Variants in SCYL2 observed in about 807,000 individuals in gnomAD.
SCYL2 encodes SCY1 like pseudokinase 2.
In SCYL2, 36 loss-of-function variants were observed where a neutral mutation model predicts 100.4. The ratio of observed to expected loss-of-function variants is 0.36; its 90% CI spans 0.27 to 0.47. The LOEUF is 0.47. SCYL2 is among the 20% of genes least tolerant of loss of function. The pLI is 1.00. For synonymous variants in SCYL2, 330 were observed against 359.2 expected, an observed-to-expected ratio of 0.92 and a Z score of 0.92; for missense variants, 902 against 1,083.9, an observed-to-expected ratio of 0.83 and a Z score of 2.36.
At chr12:100,315,319 T>G (rs1045749022) in intron 8 of SCYL2, among the ~76,000 whole-genome samples, 1 of 152,164 alleles carries the variant, frequency 6.6e-6, no homozygotes, top group Non-Finnish European at 1.5e-5. Context: ...AGGGTAAGTT[T>G]CCTACAGGTA....
intron 4 of SCYL2, among the ~76,000 whole-genome samples, chr12:100,310,536 C>T (rs1229026168): frequency 6.6e-6 from 1 of 152,186 alleles, no homozygotes; most frequent in East Asian, 1.9e-4. Flanking sequence ...TTGACACATT[C>T]CGTGGTGATG....
Position 100,283,010 on chromosome 12 carries a change from A to G in SCYL2, c.40A>G (p.Lys14Glu), listed in dbSNP as rs747874041. 5.6e-6 allele frequency: 9 copies of G among 1,610,488 alleles called. No individual in the cohort carries two copies. Among genetic ancestry groups the G allele is most frequent in the East Asian group, 2.2e-5 (1 of 44,806 alleles). ...TAATAAATTGAAGAGTACTGTTACA[A>G]AAGTAACAGCTGATGTCACTAGTGC... ...MLNKLKSTVT[K>E]VTADVTSAVM... Residue 14 changes from lysine (K) to glutamate (E), a missense_variant, in exon 2 of 18, where the codon AAA becomes GAA. Coordinates refer to ENST00000360820, the MANE Select transcript of SCYL2 (RefSeq NM_017988.6).
chr12:100,296,771 A>G (rs1339932606), intron 3 of SCYL2: 3 of 152,130 alleles, frequency 2.0e-5, no homozygotes, highest in Non-Finnish European at 4.4e-5. Flanking sequence ...GTACAGTTCA[A>G]CAAAAGCATG....
intron 3 of SCYL2, among the ~76,000 whole-genome samples, chr12:100,294,112 G>C (rs978720822): frequency 5.1e-5 from 7 of 137,830 alleles, no homozygotes; most frequent in African/African-American, 1.8e-4. Flanking sequence ...CGGCCGGGCA[G>C]AGGCGCCCCT....
intron 4 of SCYL2, among the ~76,000 whole-genome samples, chr12:100,303,524 A>G (rs1168890958): frequency 6.6e-6 from 1 of 152,130 alleles, no homozygotes; most frequent in African/African-American, 2.4e-5. Context: ...CCTCTGCTGC[A>G]TGTCTGTTGG....
intron 1 of SCYL2, among the ~76,000 whole-genome samples, chr12:100,280,730 C>T (rs529507348): frequency 6.6e-6 from 1 of 152,158 alleles, no homozygotes; most frequent in East Asian, 1.9e-4. Flanking sequence ...CTCTTTGGAG[C>T]ATTTCAGATT....
intron 13 of SCYL2, 81 bp downstream of exon 13, chr12:100,329,400 T>C (rs977821714): frequency 3.9e-5 from 26 of 666,100 alleles, no homozygotes; most frequent in Middle Eastern, 3.9e-4. Context: ...ATTACAAAGA[T>C]TGGTTAAAAA....
At chr12:100,327,974 G>A (rs1284301829) in intron 12 of SCYL2, among the ~76,000 whole-genome samples, 2 of 152,120 alleles carry the variant, frequency 1.3e-5, no homozygotes, top group Non-Finnish European at 2.9e-5. Flanking sequence ...AATCTTTTGT[G>A]CAGAAAGAAG....
intron 3 of SCYL2, among the ~76,000 whole-genome samples, chr12:100,295,254 T>A (rs2096318016): frequency 8.4e-6 from 1 of 119,474 alleles, no homozygotes; most frequent in African/African-American, 3.2e-5. Flanking sequence ...TCCCAGACGA[T>A]GGGCGGCCAG....
intron 17 of SCYL2, 63 bp from the exon 18 acceptor site, chr12:100,338,465 G>C: frequency 7.6e-7 from 1 of 1,315,630 alleles, no homozygotes; most frequent in Non-Finnish European, 1.0e-6. Flanking sequence ...TCTGTCAAAT[G>C]TTTACTAATT....
At chr12:100,325,969 T>C (rs1291788985) in intron 11 of SCYL2, among the ~76,000 whole-genome samples, 1 of 152,162 alleles carries the variant, frequency 6.6e-6, no homozygotes, top group African/African-American at 2.4e-5. Context: ...CTGCCTTTGT[T>C]GGTTTACTGT....
chr12:100,283,824 T>C lies in SCYL2; in HGVS notation c.177+677T>C, dbSNP rs147177781. Among the ~76,000 whole-genome samples the C allele has an allele frequency of 3.9e-5, 6 of 152,338 alleles. No homozygotes were observed. The East Asian group carries it at 1.2e-3, about 29-fold the overall frequency. On this transcript the variant is annotated intron_variant, in intron 2 of 17. Coordinates refer to ENST00000360820, the MANE Select transcript of SCYL2 (RefSeq NM_017988.6). ...TCCTTTTATGAAATAGGAATCTTGG[T>C]CCTATGATAAATTGCTGGTATGTCA...
chr12:100,295,040 C>T (rs1289116233), intron 3 of SCYL2, among the ~76,000 whole-genome samples: 31 of 145,152 alleles, frequency 2.1e-4, no homozygotes, highest in South Asian at 4.5e-4. Flanking sequence ...CGGGCAGAGG[C>T]GCTCCTCACA....
At chr12:100,326,314 G>T (rs1406780911) in intron 11 of SCYL2, among the ~76,000 whole-genome samples, 1 of 152,090 alleles carries the variant, frequency 6.6e-6, no homozygotes, top group Non-Finnish European at 1.5e-5. Flanking sequence ...GTGTTCTTAT[G>T]ATAGTAACAC....
intron 3 of SCYL2, among the ~76,000 whole-genome samples, chr12:100,292,148 T>C (rs1198845591): frequency 6.6e-6 from 1 of 152,234 alleles, no homozygotes; most frequent in Non-Finnish European, 1.5e-5. Context: ...GCTTGGGAAG[T>C]GTTAGTGAGA....
At chr12:100,304,191 G>A (rs1456685693) in intron 4 of SCYL2, among the ~76,000 whole-genome samples, 2 of 152,112 alleles carry the variant, frequency 1.3e-5, no homozygotes, top group African/African-American at 4.8e-5. Context: ...AGCTGGCTGG[G>A]CTCCTTGGGG....
intron 13 of SCYL2, 130 bp from the exon 14 acceptor site, chr12:100,334,036 C>A: frequency 1.7e-6 from 1 of 579,450 alleles, no homozygotes; most frequent in Non-Finnish European, 3.0e-6. Context: ...TGAATATCAG[C>A]GCTGTGACTG....
At chr12:100,331,593 G>A (rs1459086654) in intron 13 of SCYL2, among the ~76,000 whole-genome samples, 2 of 152,160 alleles carry the variant, frequency 1.3e-5, no homozygotes, top group Admixed American at 1.3e-4. Context: ...GGATGACAAA[G>A]CAAGACCCTG....
chr12:100,286,342 A>G (rs1216894222), intron 2 of SCYL2, among the ~76,000 whole-genome samples: 1 of 152,214 alleles, frequency 6.6e-6, no homozygotes, highest in Non-Finnish European at 1.5e-5. Flanking sequence ...TTAGTTTGAC[A>G]TAAGATTCTG....
Sources: allele counts gnomAD v4.1 joint callset (sites outside exome capture counted in the v4.1 genomes callset), GRCh38; gene constraint gnomAD v4.1.1; transcripts MANE v1.5; gene names NCBI Gene and HGNC (gene_info 2026-07-23, HGNC 2026-07-21).